The following FAM222B variants were observed in gnomAD, a reference collection of about 807,000 sequenced individuals.
FAM222B encodes the protein protein FAM222B.
Under a neutral mutation model 38.0 loss-of-function variants are expected in FAM222B, and 12 were observed. The ratio of observed to expected loss-of-function variants is 0.32; its 90% confidence interval spans 0.20 to 0.51. The LOEUF is 0.51. FAM222B is among the 20% of genes least tolerant of loss of function. The pLI is 0.97. For missense variants in FAM222B, 716 were observed against 754.2 expected (o/e 0.95, Z 0.59); for synonymous variants, 329 against 317.2 (o/e 1.04, Z -0.40).
intron 1 of FAM222B, among the ~76,000 whole-genome samples, chr17:28,834,539 C>G (rs1598047080): frequency 6.6e-6 from 1 of 151,914 alleles, no homozygotes. Context: ...TTTTTGCTGA[C>G]TCAGCCAAAT....
chr17:28,841,381 A>C (rs2039032450), intron 1 of FAM222B, among the ~76,000 whole-genome samples: 1 of 152,136 alleles, frequency 6.6e-6, no homozygotes, highest in Non-Finnish European at 1.5e-5. Context: ...TAGTTTTCTT[A>C]ACTCTTTTTT....
At chr17:28,802,150 G>A (rs150343259) in intron 1 of FAM222B, among the ~76,000 whole-genome samples, 89 of 151,610 alleles carry the variant, frequency 5.9e-4, no homozygotes, top group African/African-American at 2.0e-3. Flanking sequence ...TGGTGTGATC[G>A]GCAATGGTGC....
intron 1 of FAM222B, among the ~76,000 whole-genome samples, chr17:28,795,813 T>C (rs1161707047): frequency 6.6e-6 from 1 of 152,232 alleles, no homozygotes. Context: ...AGATTGTACC[T>C]TGCCAATTAC....
chr17:28,790,898 T>TAA (rs2036646168), intron 1 of FAM222B, among the ~76,000 whole-genome samples: 1 of 116,680 alleles, frequency 8.6e-6, no homozygotes, highest in Admixed American at 9.0e-5. Context: ...TTTTTTTTTT[T>TAA]TTTTTTTTTT....
chr17:28,801,135 C>T (rs571324893), intron 1 of FAM222B, among the ~76,000 whole-genome samples: 45 of 145,872 alleles, frequency 3.1e-4, no homozygotes, highest in Non-Finnish European at 5.5e-4. Flanking sequence ...CCAGCTTGGA[C>T]GACAGAGCGA....
intron 1 of FAM222B, among the ~76,000 whole-genome samples, chr17:28,795,423 A>G (rs2036894837): frequency 6.6e-6 from 1 of 152,066 alleles, no homozygotes; most frequent in Admixed American, 6.6e-5. Flanking sequence ...TACAGGTGTA[A>G]GCCACCGCAC....
At position 28,809,368 on chromosome 17, in the gene FAM222B, A is replaced by AAAAAAG. The variant is rs1555581613; in HGVS notation, c.-41+33313_-41+33314insCTTTTT. Reference sequence around the variant, plus strand: ...ACTCCGTCTCAAAAAAAAAAAAAAAAAGAGAGAGAGAGAGAAATGAAATAA... The same window carrying AAAAAAG: ...ACTCCGTCTCAAAAAAAAAAAAAAAAAAAAAGAGAGAGAGAGAGAGAAATGAAATAA... On this transcript the variant is annotated intron_variant, in intron 1 of 2. Coordinates refer to ENST00000581407, the MANE Select transcript of FAM222B (RefSeq NM_001077498.3). Among the ~76,000 whole-genome samples, 3 of 151,330 alleles carry AAAAAAG rather than the reference A, an allele frequency of 2.0e-5. No homozygotes were observed. In the South Asian group the frequency reaches 6.2e-4, roughly 32 times the overall value.
At chr17:28,770,892 T>C (rs113685907) in intron 1 of FAM222B, among the ~76,000 whole-genome samples, 3,983 of 152,164 alleles carry the variant, frequency 0.026, 81 homozygotes, top group Admixed American at 0.036. Context: ...TTTTGAATAG[T>C]ACATTCAGAA....
At chr17:28,792,085 G>A (rs1043563907) in intron 1 of FAM222B, among the ~76,000 whole-genome samples, 23 of 151,124 alleles carry the variant, frequency 1.5e-4, no homozygotes, top group Non-Finnish European at 2.2e-4. Context: ...GCCAAGGCGG[G>A]CGGATCGCGA....
chr17:28,813,208 A>G (rs2037881948), intron 1 of FAM222B, among the ~76,000 whole-genome samples: 1 of 151,616 alleles, frequency 6.6e-6, no homozygotes, highest in African/African-American at 2.4e-5. Context: ...AAAACATCCA[A>G]TGTATTTAGC....
At chr17:28,763,976 TG>T (rs1390622104) in intron 2 of FAM222B, among the ~76,000 whole-genome samples, 1 of 152,122 alleles carries the variant, frequency 6.6e-6, no homozygotes, top group Non-Finnish European at 1.5e-5. Flanking sequence ...TGTTCTGCCA[TG>T]GAAGGAAATC....
chr17:28,828,844 GA>G (rs1279333910), intron 1 of FAM222B, among the ~76,000 whole-genome samples: 4 of 151,314 alleles, frequency 2.6e-5, no homozygotes, highest in African/African-American at 4.9e-5. Context: ...TCAAAATACG[GA>G]ACAGTCATGT....
At chr17:28,788,280 C>T (rs2151861763) in intron 1 of FAM222B, among the ~76,000 whole-genome samples, 1 of 152,302 alleles carries the variant, frequency 6.6e-6, no homozygotes, top group Non-Finnish European at 1.5e-5. Context: ...ACCCTGTCAT[C>T]CAGGCTGGAG....
chr17:28,777,420 T>G (rs2035944321), intron 1 of FAM222B, among the ~76,000 whole-genome samples: 1 of 152,176 alleles, frequency 6.6e-6, no homozygotes, highest in African/African-American at 2.4e-5. Context: ...ATCTACTTAT[T>G]ATTACTTAAC....
intron 1 of FAM222B, among the ~76,000 whole-genome samples, chr17:28,772,205 T>C (rs1567808661): frequency 6.6e-6 from 1 of 152,194 alleles, no homozygotes; most frequent in Non-Finnish European, 1.5e-5. Context: ...CTTGCAGATA[T>C]CATTTTTTTC....
At chr17:28,769,736 T>C (rs1320648569) in intron 1 of FAM222B, among the ~76,000 whole-genome samples, 1 of 152,220 alleles carries the variant, frequency 6.6e-6, no homozygotes, top group East Asian at 1.9e-4. Context: ...CCTTCTGACC[T>C]ACCCTGCCCT....
intron 1 of FAM222B, among the ~76,000 whole-genome samples, chr17:28,851,073 C>T (rs1032697874): frequency 2.6e-5 from 4 of 151,828 alleles, no homozygotes; most frequent in African/African-American, 9.7e-5. Flanking sequence ...GAGCTGAGAT[C>T]GCACCGCTGC....
At chr17:28,798,328 G>A (rs1224281384) in intron 1 of FAM222B, among the ~76,000 whole-genome samples, 1 of 152,076 alleles carries the variant, frequency 6.6e-6, no homozygotes, top group East Asian at 1.9e-4. Context: ...GCTGCAGTGA[G>A]CCAAGATCAT....
intron 1 of FAM222B, among the ~76,000 whole-genome samples, chr17:28,793,686 C>T (rs1024279312): frequency 1.3e-5 from 2 of 151,580 alleles, no homozygotes; most frequent in South Asian, 4.1e-4. Flanking sequence ...TTTAAACAAA[C>T]ATTAACAAAA....
Sources: gnomAD v4.1 joint callset for allele counts (sites outside exome capture counted in the v4.1 genomes callset) on GRCh38, gnomAD v4.1.1 for gene constraint, MANE v1.5 for transcripts, NCBI Gene and HGNC (gene_info 2026-07-23, HGNC 2026-07-21) for gene names.